ABCA4: variants seen among roughly 807,000 people sequenced by gnomAD.
ABCA4 encodes the protein retinal-specific phospholipid-transporting ATPase ABCA4.
In ABCA4, 196 loss-of-function variants were observed where a neutral mutation model predicts 263.7. The ratio of observed to expected loss-of-function variants is 0.74; its 90% confidence interval spans 0.66 to 0.84. The LOEUF is 0.84. Ranked by LOEUF, ABCA4 falls within the 40% of genes least tolerant of loss-of-function variation. ABCA4 has a pLI of 0.00. For synonymous variants in ABCA4, 1,133 were observed against 1,094.2 expected (o/e 1.04, Z -0.70); for missense variants, 2,792 against 2,855.1 (o/e 0.98, Z 0.50).
intron 38 of ABCA4, among the ~76,000 whole-genome samples, chr1:94,013,497 A>C (rs562637381): frequency 6.6e-6 from 1 of 152,208 alleles, no homozygotes; most frequent in Admixed American, 6.5e-5. Flanking sequence ...GGGAAGAGCT[A>C]ATGAGGAGAG....
At chr1:94,117,451 G>A (rs776101304) in intron 1 of ABCA4, among the ~76,000 whole-genome samples, 1 of 142,020 alleles carries the variant, frequency 7.0e-6, no homozygotes, top group Non-Finnish European at 1.5e-5. Flanking sequence ...CATGATTAGC[G>A]CCCCACTTTC....
At chr1:94,113,745 G>T (rs1268177262) in intron 1 of ABCA4, among the ~76,000 whole-genome samples, 1 of 152,248 alleles carries the variant, frequency 6.6e-6, no homozygotes, top group Non-Finnish European at 1.5e-5. Flanking sequence ...AGTTTCTATT[G>T]CTTAAAGAAA....
intron 38 of ABCA4, among the ~76,000 whole-genome samples, chr1:94,013,824 C>T (rs1328801878): frequency 6.6e-6 from 1 of 152,118 alleles, no homozygotes; most frequent in Non-Finnish European, 1.5e-5. Context: ...CAGAGTGTTA[C>T]AATTTCCATA....
chr1:94,099,484 A>G (rs997616666), intron 5 of ABCA4, among the ~76,000 whole-genome samples: 1 of 152,228 alleles, frequency 6.6e-6, no homozygotes, highest in African/African-American at 2.4e-5. Context: ...GACAGCAGCA[A>G]CAGGAAACCA....
chr1:94,080,890 C>T (rs955044881), intron 7 of ABCA4, among the ~76,000 whole-genome samples, 172 bp from the exon 8 acceptor site: 1 of 152,144 alleles, frequency 6.6e-6, no homozygotes, highest in Non-Finnish European at 1.5e-5. Flanking sequence ...CTACTGCCAT[C>T]TACTTAGGGA....
At chr1:94,027,683 G>A (rs1660079872) in intron 30 of ABCA4, among the ~76,000 whole-genome samples, 1 of 152,178 alleles carries the variant, frequency 6.6e-6, no homozygotes, top group African/African-American at 2.4e-5. Context: ...TAGGTGCTGT[G>A]GCAAAATCTA....
chr1:94,044,882 G>A (rs1660630918), intron 19 of ABCA4, 138 bp from the exon 20 acceptor site: 7 of 1,366,144 alleles, frequency 5.1e-6, no homozygotes, highest in Non-Finnish European at 7.2e-6. Flanking sequence ...ACCCCTATTA[G>A]CTGTGGGGCC....
chr1:94,063,041 C>T (rs1200282520), intron 12 of ABCA4, 71 bp downstream of exon 12: 5 of 1,414,194 alleles, frequency 3.5e-6, no homozygotes, highest in Non-Finnish European at 4.0e-6. Flanking sequence ...AGTCTCAATC[C>T]CTTTCTCTCT....
rs534179486 is a variant in ABCA4 at position 94,001,951 on chromosome 1, G to A, written c.6189C>T (p.Tyr2063=). ...TGTACGTGCCAGCCAGGCAGTCGGC[G>A]TAGACAGTCAGGCCCAGGCTCTTAA... The part of the protein sequence containing the change: ...WSIKSLGLTV[Y]ADCLAGTYSG... The change falls in exon 45 of 50, where the codon TAC becomes TAT. Residue 2063 remains tyrosine (Y), a synonymous_variant. Transcript: ENST00000370225. The A allele has an allele frequency of 2.8e-5, 45 of 1,614,196 alleles. No homozygotes were observed. Among genetic ancestry groups the A allele is most frequent in the Non-Finnish European group, 3.4e-5 (40 of 1,180,034 alleles).
At chr1:94,008,393 C>T in intron 41 of ABCA4, 96 bp from the exon 42 acceptor site, 1 of 1,239,052 alleles carries the variant, frequency 8.1e-7, no homozygotes, top group Non-Finnish European at 1.2e-6. Flanking sequence ...TAGGAGAAAA[C>T]TACCAGCACT....
intron 3 of ABCA4, 125 bp downstream of exon 3, chr1:94,111,313 G>T: frequency 7.6e-7 from 1 of 1,324,366 alleles, no homozygotes; most frequent in Non-Finnish European, 1.1e-6. Flanking sequence ...CTCCTAAGAG[G>T]TTAGGGGCTC....
intron 23 of ABCA4, 78 bp downstream of exon 23, chr1:94,041,131 G>T: frequency 6.9e-7 from 1 of 1,453,694 alleles, no homozygotes. Flanking sequence ...TGTGTGAGTA[G>T]CCATGTCTGG....
At chr1:94,098,584 C>T (rs1662194513) in intron 6 of ABCA4, among the ~76,000 whole-genome samples, 1 of 152,158 alleles carries the variant, frequency 6.6e-6, no homozygotes, top group Non-Finnish European at 1.5e-5. Context: ...CAGCCACATA[C>T]CTAATGGTGA....
Position 93,993,167 on chromosome 1 carries a change from G to T in ABCA4, c.*70C>A. The T allele has an allele frequency of 6.2e-7, 1 of 1,607,094 alleles. No homozygotes were observed. The highest frequency in any genetic ancestry group is 1.1e-5 in the South Asian group (1 of 90,804). On this transcript the variant is annotated 3_prime_UTR_variant, in exon 50 of 50. Coordinates refer to ENST00000370225, the MANE Select transcript of ABCA4 (RefSeq NM_000350.3). ...GGCCAGTCCATTTGGATGACCATAT[G>T]GGCACAGGCTCCTGCGCCTCCAGCT...
chr1:94,003,876 G>T (rs543506954), intron 44 of ABCA4, among the ~76,000 whole-genome samples: 3 of 151,754 alleles, frequency 2.0e-5, no homozygotes, highest in African/African-American at 7.3e-5. Context: ...GGGCTCAAGC[G>T]ATCTTCCTAC....
At chr1:94,082,930 A>G (rs1372405310) in intron 7 of ABCA4, among the ~76,000 whole-genome samples, 1 of 152,276 alleles carries the variant, frequency 6.6e-6, no homozygotes, top group African/African-American at 2.4e-5. Flanking sequence ...ATAAGCCAAC[A>G]TAGGTAAAAC....
At chr1:94,018,948 T>TG (rs1295743759) in intron 36 of ABCA4, among the ~76,000 whole-genome samples, 1 of 148,704 alleles carries the variant, frequency 6.7e-6, no homozygotes, top group East Asian at 2.0e-4. Context: ...GGCCACTGGC[T>TG]GGGGTTGCCA....
intron 26 of ABCA4, among the ~76,000 whole-genome samples, chr1:94,034,460 C>T (rs1014458598): frequency 1.3e-5 from 2 of 152,022 alleles, no homozygotes; most frequent in Admixed American, 6.6e-5. Flanking sequence ...GATGGTTTCA[C>T]GTAGTAACCG....
At chr1:94,023,192 A>T (rs1659946709) in intron 32 of ABCA4, among the ~76,000 whole-genome samples, 194 bp downstream of exon 32, 1 of 152,186 alleles carries the variant, frequency 6.6e-6, no homozygotes, top group South Asian at 2.1e-4. Context: ...GTCCTCCAAG[A>T]AGAGGCACCA....
Sources: gnomAD v4.1 joint callset for allele counts (sites outside exome capture counted in the v4.1 genomes callset) on GRCh38, gnomAD v4.1.1 for gene constraint, MANE v1.5 for transcripts, NCBI Gene and HGNC (gene_info 2026-07-23, HGNC 2026-07-21) for gene names.